Variants in KLHL32 observed in about 807,000 individuals in gnomAD.
The protein encoded by KLHL32 is kelch-like protein 32.
A neutral mutation model predicts 64.8 loss-of-function variants in KLHL32; 35 were observed. The observed-to-expected ratio is 0.54, with a 90% CI of 0.41 to 0.72. KLHL32 has a LOEUF of 0.72. KLHL32 is among the 30% of genes least tolerant of loss of function. KLHL32 has a pLI of 0.00. For missense variants in KLHL32, 589 were observed against 768.5 expected, an observed-to-expected ratio of 0.77 and a Z score of 2.76; for synonymous variants, 259 against 281.0, an observed-to-expected ratio of 0.92 and a Z score of 0.78.
chr6:97,092,796 C>G (rs1562328319), intron 6 of KLHL32, among the ~76,000 whole-genome samples: 1 of 152,184 alleles, frequency 6.6e-6, no homozygotes, highest in Non-Finnish European at 1.5e-5. Context: ...TATGCCTTTG[C>G]AAGACGCATG....
At chr6:96,982,008 G>A (rs112131561) in intron 3 of KLHL32, among the ~76,000 whole-genome samples, 1,680 of 152,140 alleles carry the variant, frequency 0.011, 40 homozygotes, top group African/African-American at 0.039. Context: ...ATGTGCATAT[G>A]ATAAAAATAT....
intron 3 of KLHL32, among the ~76,000 whole-genome samples, chr6:96,993,397 C>T (rs1270159686): frequency 6.6e-6 from 1 of 152,128 alleles, no homozygotes; most frequent in Non-Finnish European, 1.5e-5. Flanking sequence ...AGAAACTAGC[C>T]TAGGCATTTT....
intron 6 of KLHL32, among the ~76,000 whole-genome samples, chr6:97,095,437 T>C (rs1480163789): frequency 2.0e-5 from 3 of 152,228 alleles, no homozygotes; most frequent in African/African-American, 4.8e-5. Flanking sequence ...AGGGGCTGTG[T>C]AGTGCTTTAG....
At chr6:97,060,024 C>T (rs925822066) in intron 4 of KLHL32, among the ~76,000 whole-genome samples, 1 of 152,126 alleles carries the variant, frequency 6.6e-6, no homozygotes, top group African/African-American at 2.4e-5. Context: ...CTTGCAAAAG[C>T]GTGTTGTTCA....
At chr6:97,110,810 G>A (rs933974074) in intron 6 of KLHL32, among the ~76,000 whole-genome samples, 2 of 152,210 alleles carry the variant, frequency 1.3e-5, no homozygotes, top group Admixed American at 6.5e-5. Context: ...TTTCGGTGCC[G>A]GCAGGGGCAA....
At chr6:96,940,635 C>T (rs1469222647) in intron 1 of KLHL32, among the ~76,000 whole-genome samples, 1 of 152,316 alleles carries the variant, frequency 6.6e-6, no homozygotes, top group East Asian at 1.9e-4. Context: ...GCTTAAGCAG[C>T]CCCAAGAAGG....
intron 3 of KLHL32, among the ~76,000 whole-genome samples, chr6:96,987,361 C>T (rs1777238811): frequency 6.6e-6 from 1 of 152,018 alleles, no homozygotes. Flanking sequence ...GTATAAATTT[C>T]CCTCTACACA....
chr6:97,119,035 T>G (rs1798096996), intron 7 of KLHL32, among the ~76,000 whole-genome samples: 1 of 152,138 alleles, frequency 6.6e-6, no homozygotes, highest in Non-Finnish European at 1.5e-5. Context: ...CATTAACTCC[T>G]CCCTGTCCTC....
At chr6:97,138,567 A>AAAAACAAAC (rs1800323462) in intron 10 of KLHL32, among the ~76,000 whole-genome samples, 1 of 152,046 alleles carries the variant, frequency 6.6e-6, no homozygotes, top group Admixed American at 6.6e-5. Context: ...AAAAAACCCC[A>AAAAACAAAC]AAAACAAACA....
chr6:97,131,386 T>C (rs1799427833), intron 9 of KLHL32, among the ~76,000 whole-genome samples: 1 of 152,200 alleles, frequency 6.6e-6, no homozygotes, highest in Admixed American at 6.5e-5. Context: ...CTGTCAAGTA[T>C]TGTTTCTGTG....
intron 6 of KLHL32, among the ~76,000 whole-genome samples, chr6:97,092,378 A>G (rs1794389074): frequency 6.6e-6 from 1 of 152,200 alleles, no homozygotes. Context: ...TATTTTTTAA[A>G]GTTACCATTT....
intron 4 of KLHL32, among the ~76,000 whole-genome samples, chr6:97,060,283 C>T (rs907916055): frequency 3.9e-5 from 6 of 152,082 alleles, no homozygotes; most frequent in African/African-American, 1.4e-4. Context: ...TAAAGACAGT[C>T]CCTACCAGCC....
intron 4 of KLHL32, among the ~76,000 whole-genome samples, chr6:97,063,939 G>A (rs1366202574): frequency 6.6e-6 from 1 of 152,222 alleles, no homozygotes; most frequent in African/African-American, 2.4e-5. Flanking sequence ...GCTGGCAGCA[G>A]TAGGTAGATA....
At chr6:96,935,907 T>G (rs1430991641) in intron 1 of KLHL32, among the ~76,000 whole-genome samples, 2 of 152,220 alleles carry the variant, frequency 1.3e-5, no homozygotes, top group African/African-American at 2.4e-5. Context: ...AAATAAATCT[T>G]AAGAGAGATT....
At chr6:96,989,332 G>T (rs564794995) in intron 3 of KLHL32, among the ~76,000 whole-genome samples, 1 of 152,236 alleles carries the variant, frequency 6.6e-6, no homozygotes, top group African/African-American at 2.4e-5. Context: ...GTCTGAAAAG[G>T]ATTTTATTTC....
intron 1 of KLHL32, among the ~76,000 whole-genome samples, chr6:96,953,158 A>G (rs1270277541): frequency 6.6e-6 from 1 of 152,234 alleles, no homozygotes; most frequent in Non-Finnish European, 1.5e-5. Flanking sequence ...GCAGCAGGCA[A>G]GAAGACCCCA....
chr6:97,075,499 T>C (rs1582939748), intron 5 of KLHL32, among the ~76,000 whole-genome samples: 2 of 152,338 alleles, frequency 1.3e-5, no homozygotes, highest in South Asian at 4.1e-4. Context: ...ATCAACTCTA[T>C]GACAATGTTG....
chr6:97,110,199 A>G (rs1796934465), intron 6 of KLHL32, among the ~76,000 whole-genome samples: 1 of 152,216 alleles, frequency 6.6e-6, no homozygotes, highest in South Asian at 2.1e-4. Context: ...ATCTTTGATT[A>G]TTGCAGATAT....
At chr6:96,937,523 G>A (rs1002499285) in intron 1 of KLHL32, among the ~76,000 whole-genome samples, 1 of 152,166 alleles carries the variant, frequency 6.6e-6, no homozygotes, top group East Asian at 1.9e-4. Flanking sequence ...CAATCCTGAG[G>A]TTCTCTGGGT....
Sources: allele counts gnomAD v4.1 joint callset (sites outside exome capture counted in the v4.1 genomes callset), GRCh38; gene constraint gnomAD v4.1.1; transcripts MANE v1.5; gene names NCBI Gene and HGNC (gene_info 2026-07-23, HGNC 2026-07-21).